PCYT1B: variants seen among roughly 807,000 people sequenced by gnomAD.
PCYT1B encodes phosphate cytidylyltransferase 1B, choline.
Under a neutral mutation model 26.4 loss-of-function variants are expected in PCYT1B, and 10 were observed. That is an observed-to-expected ratio of 0.38 (90% CI 0.23 to 0.64). The LOEUF (loss-of-function observed/expected upper bound fraction) is 0.64. Among genes scored for constraint, PCYT1B ranks in the 30% least tolerant of loss-of-function variants. PCYT1B has a pLI of 0.56. For synonymous variants in PCYT1B, 131 were observed against 108.4 expected (o/e 1.21, Z -1.29); for missense variants, 161 against 292.7 (o/e 0.55, Z 3.28).
At chrX:24,644,894 T>C (rs965964465) in intron 1 of PCYT1B, among the ~76,000 whole-genome samples, 3 of 111,447 alleles carry the variant, frequency 2.7e-5, no homozygotes, top group African/African-American at 9.8e-5. Context: ...ACCCCGTCTC[T>C]ACCAAAAATA....
rs188803220 is a variant in PCYT1B at position 24,615,271 on chromosome X, T to C, written c.217+3714A>G. Among the ~76,000 whole-genome samples, 642 of 111,404 alleles carry C rather than the reference T, an allele frequency of 5.8e-3. 3 individuals are homozygous for C. Among genetic ancestry groups the C allele is most frequent in the Non-Finnish European group, 7.6e-3 (404 of 53,086 alleles). On this transcript the variant is annotated intron_variant, in intron 2 of 7. Coordinates refer to ENST00000379144, the MANE Select transcript of PCYT1B (RefSeq NM_004845.5). ...CTTCTAAAGATCAGGAGTTCATCTTTGTTCCATCTCACTCCCCCTCTAATG... is the reference window on the plus strand; with the variant it reads ...CTTCTAAAGATCAGGAGTTCATCTTCGTTCCATCTCACTCCCCCTCTAATG...
At chrX:24,599,640 T>A (rs1924897271) in intron 3 of PCYT1B, among the ~76,000 whole-genome samples, 1 of 111,875 alleles carries the variant, frequency 8.9e-6, no homozygotes, top group Admixed American at 9.6e-5. Flanking sequence ...TATATACATA[T>A]TTTTGTTTCA....
At chrX:24,612,231 T>A (rs182505181) in intron 2 of PCYT1B, among the ~76,000 whole-genome samples, 10 of 112,496 alleles carry the variant, frequency 8.9e-5, no homozygotes, top group African/African-American at 3.2e-4. Flanking sequence ...CTGAGTGAGC[T>A]TGGAAGCAGA....
intron 1 of PCYT1B, among the ~76,000 whole-genome samples, chrX:24,623,967 CTTTTTT>C (rs1347821643): frequency 1.1e-3 from 93 of 85,231 alleles, no homozygotes; most frequent in African/African-American, 3.9e-3. Flanking sequence ...CTAAGCTATA[CTTTTTT>C]TTTTTTTTTT....
At chrX:24,580,047 C>G (rs757030445) in intron 5 of PCYT1B, among the ~76,000 whole-genome samples, 1 of 112,182 alleles carries the variant, frequency 8.9e-6, no homozygotes, top group African/African-American at 3.2e-5. Flanking sequence ...TGGTGGTGCA[C>G]GCCTGTGGTC....
intron 5 of PCYT1B, among the ~76,000 whole-genome samples, chrX:24,580,099 C>T (rs1924160398): frequency 8.9e-6 from 1 of 112,241 alleles, no homozygotes; most frequent in African/African-American, 3.2e-5. Context: ...CACTTGAGTC[C>T]AAGATCAAGG....
chrX:24,651,498 T>A (rs1466967903), upstream of PCYT1B, among the ~76,000 whole-genome samples: 11 of 78,529 alleles, frequency 1.4e-4, 1 homozygote, highest in Non-Finnish European at 1.7e-4. Flanking sequence ...TATATATATA[T>A]ATATATATAT....
intron 4 of PCYT1B, 43 bp downstream of exon 4, chrX:24,589,980 C>T: frequency 9.0e-7 from 1 of 1,115,770 alleles, no homozygotes; most frequent in South Asian, 2.0e-5. Flanking sequence ...GAACCAGACT[C>T]CCTAATCTTG....
At chrX:24,617,453 T>TTA (rs576732230) in intron 2 of PCYT1B, among the ~76,000 whole-genome samples, 1,012 of 21,522 alleles carry the variant, frequency 0.047, 6 homozygotes, top group African/African-American at 0.14. Flanking sequence ...ATTATTATTA[T>TTA]TTTTTTTTTT....
intron 3 of PCYT1B, among the ~76,000 whole-genome samples, chrX:24,600,439 C>G (rs1025467609): frequency 7.3e-5 from 8 of 110,288 alleles, no homozygotes; most frequent in Non-Finnish European, 1.1e-4. Context: ...GAGCAGAAAC[C>G]CACAAGCAGA....
intron 1 of PCYT1B, among the ~76,000 whole-genome samples, chrX:24,642,714 C>T (rs1926504546): frequency 1.8e-5 from 2 of 111,629 alleles, no homozygotes; most frequent in South Asian, 7.6e-4. Context: ...AGGAAGCTCA[C>T]GTTTGTTTAT....
At chrX:24,661,568 C>A (rs1927029494) in intron 1 of PCYT1B, among the ~76,000 whole-genome samples, 3 of 111,544 alleles carry the variant, frequency 2.7e-5, no homozygotes, top group African/African-American at 9.8e-5. Flanking sequence ...TGATCTGAGG[C>A]CAATTTACAG....
chrX:24,626,235 A>T (rs1223964228), intron 1 of PCYT1B, among the ~76,000 whole-genome samples: 3 of 112,646 alleles, frequency 2.7e-5, no homozygotes, highest in African/African-American at 9.7e-5. Context: ...ATAAAATTAA[A>T]AGTAGTTTGT....
chrX:24,623,809 CA>C (rs1331922473), intron 1 of PCYT1B, among the ~76,000 whole-genome samples: 1 of 110,341 alleles, frequency 9.1e-6, no homozygotes. Flanking sequence ...TACTTAAGTG[CA>C]AAAAAATGGT....
chrX:24,664,014 G>A (rs1207389385), intron 1 of PCYT1B, among the ~76,000 whole-genome samples: 1 of 111,406 alleles, frequency 9.0e-6, no homozygotes, highest in Non-Finnish European at 1.9e-5. Flanking sequence ...GGTGAATTCA[G>A]TAGTTCTCAG....
chrX:24,635,309 T>C (rs1353350988), intron 1 of PCYT1B, among the ~76,000 whole-genome samples: 3 of 111,965 alleles, frequency 2.7e-5, no homozygotes, highest in African/African-American at 9.7e-5. Flanking sequence ...AAAAAACTGA[T>C]GTCAAACTAA....
chrX:24,638,937 A>G (rs1262732449), intron 1 of PCYT1B, among the ~76,000 whole-genome samples: 1 of 112,925 alleles, frequency 8.9e-6, no homozygotes, highest in East Asian at 2.8e-4. Flanking sequence ...CATTCCATAT[A>G]TGATTTGGAA....
chrX:24,619,162 T>C (rs1172329067), intron 1 of PCYT1B, 78 bp from the exon 2 acceptor site: 3 of 682,197 alleles, frequency 4.4e-6, no homozygotes, highest in Non-Finnish European at 7.2e-6. Flanking sequence ...GTTTTATTCC[T>C]GTTGGCTACA....
intron 3 of PCYT1B, among the ~76,000 whole-genome samples, chrX:24,604,083 T>A (rs1294098309): frequency 1.3e-5 from 1 of 74,087 alleles, no homozygotes; most frequent in Admixed American, 1.7e-4. Context: ...ATACAGGATG[T>A]CACTGAATTT....
Sources: allele counts gnomAD v4.1 joint callset (sites outside exome capture counted in the v4.1 genomes callset), GRCh38; gene constraint gnomAD v4.1.1; transcripts MANE v1.5; gene names NCBI Gene and HGNC (gene_info 2026-07-23, HGNC 2026-07-21).